Variants in STXBP6 observed in about 807,000 individuals in gnomAD.
STXBP6 encodes the protein syntaxin-binding protein 6.
STXBP6 carries 21 observed loss-of-function variants against 26.9 expected under a neutral mutation model. That is an observed-to-expected ratio of 0.78 (90% CI 0.55 to 1.12). The LOEUF (loss-of-function observed/expected upper bound fraction) is 1.12. Among genes scored for constraint, STXBP6 ranks in the 50% most tolerant of loss-of-function variants. STXBP6 has a pLI of 0.00. For missense variants in STXBP6, 232 were observed against 257.9 expected (o/e 0.90, Z 0.69); for synonymous variants, 97 against 92.6 (o/e 1.05, Z -0.27).
chr14:24,933,125 G>C (rs370058056), intron 2 of STXBP6, among the ~76,000 whole-genome samples: 1 of 152,218 alleles, frequency 6.6e-6, no homozygotes, highest in Non-Finnish European at 1.5e-5. Context: ...TGGATTGCTT[G>C]ATCTCAGGAG....
chr14:24,963,730 T>A (rs748212240), intron 2 of STXBP6, among the ~76,000 whole-genome samples: 2 of 152,070 alleles, frequency 1.3e-5, no homozygotes, highest in Non-Finnish European at 2.9e-5. Context: ...AGAGAAACAC[T>A]CAGGTGCTTC....
chr14:24,892,774 T>C (rs1241609), intron 2 of STXBP6, among the ~76,000 whole-genome samples: 100,659 of 152,010 alleles, frequency 0.66, 33,455 homozygotes, highest in East Asian at 0.76. Context: ...CAATGGGCCA[T>C]GTGGGAGAAC....
intron 1 of STXBP6, among the ~76,000 whole-genome samples, chr14:25,042,532 T>C (rs2075659936): frequency 6.6e-6 from 1 of 152,232 alleles, no homozygotes; most frequent in Non-Finnish European, 1.5e-5. Context: ...GGTCTTACTC[T>C]GATCATACAG....
chr14:24,962,340 T>C (rs1247336482), intron 2 of STXBP6, among the ~76,000 whole-genome samples: 1 of 142,450 alleles, frequency 7.0e-6, no homozygotes, highest in Non-Finnish European at 1.5e-5. Flanking sequence ...TATTTATTTA[T>C]TATTTTTGAG....
chr14:24,899,936 G>A (rs2071153363), intron 2 of STXBP6, among the ~76,000 whole-genome samples: 1 of 152,032 alleles, frequency 6.6e-6, no homozygotes, highest in South Asian at 2.1e-4. Flanking sequence ...AAGTGAGAAG[G>A]TCCTTGGATA....
chr14:24,956,014 CCA>C (rs1461967245), intron 2 of STXBP6, among the ~76,000 whole-genome samples: 1 of 152,072 alleles, frequency 6.6e-6, no homozygotes, highest in Non-Finnish European at 1.5e-5. Context: ...ATTTTGAAAC[CCA>C]CACCCTTTTC....
At chr14:24,964,121 C>T (rs8181975) in intron 2 of STXBP6, among the ~76,000 whole-genome samples, 13,288 of 151,936 alleles carry the variant, frequency 0.087, 619 homozygotes, top group South Asian at 0.16. Context: ...ATGCCCAATT[C>T]CCCCCACCCA....
intron 2 of STXBP6, among the ~76,000 whole-genome samples, chr14:24,958,121 A>G (rs766543013): frequency 2.3e-4 from 35 of 152,222 alleles, no homozygotes; most frequent in Non-Finnish European, 7.3e-5. Context: ...AAAACAAAAC[A>G]AAGTTCTAAT....
intron 1 of STXBP6, among the ~76,000 whole-genome samples, chr14:25,032,889 A>T (rs1197562652): frequency 6.6e-6 from 1 of 152,186 alleles, no homozygotes; most frequent in African/African-American, 2.4e-5. Flanking sequence ...CTTCCTGAAA[A>T]TTGCAGGCAC....
intron 1 of STXBP6, among the ~76,000 whole-genome samples, chr14:25,043,886 A>G (rs1298159093): frequency 2.0e-5 from 3 of 152,172 alleles, no homozygotes; most frequent in African/African-American, 4.8e-5. Flanking sequence ...GCTATTAAGA[A>G]TAAGGCTGCT....
chr14:24,899,293 T>G (rs1424138899), intron 2 of STXBP6, among the ~76,000 whole-genome samples: 3 of 152,248 alleles, frequency 2.0e-5, no homozygotes. Flanking sequence ...TAAGAATGTT[T>G]GGAATATAGT....
chr14:24,989,900 T>C lies in STXBP6; in HGVS notation c.-32-15050A>G, dbSNP rs184827389. 1.2e-3 allele frequency among the ~76,000 whole-genome samples: 181 copies of C among 152,308 alleles called. 1 individual carries two copies. Among genetic ancestry groups the C allele is most frequent in the Non-Finnish European group, 2.2e-3 (152 of 68,006 alleles). On this transcript the variant is annotated intron_variant, in intron 1 of 5. Coordinates refer to ENST00000323944, the MANE Select transcript of STXBP6 (RefSeq NM_001394410.1). ...GCCTCACCTTTATACGTTAAGCATG[T>C]ACTGTGGTTACATGTGCCATGTAGT...
Position 25,032,418 on chromosome 14 carries a change from A to G in STXBP6, c.-33+17460T>C, listed in dbSNP as rs553783100. Among the ~76,000 whole-genome samples, 22 of 152,302 alleles carry G rather than the reference A, an allele frequency of 1.4e-4. No homozygotes were observed. In the East Asian group the frequency reaches 3.3e-3, roughly 23 times the overall value. On this transcript the variant is annotated intron_variant, in intron 1 of 5. Transcript: ENST00000323944. ...TAAAACAATCTCAAATAAAAAAGAA[A>G]CTAGATCTAACCTATCTTTAACTCA...
At chr14:24,985,152 T>C (rs900429092) in intron 1 of STXBP6, among the ~76,000 whole-genome samples, 3 of 152,240 alleles carry the variant, frequency 2.0e-5, no homozygotes, top group Non-Finnish European at 4.4e-5. Context: ...TGCTGGTTCG[T>C]TGGCAAAGGA....
chr14:24,990,639 G>A (rs1370369537), intron 1 of STXBP6, among the ~76,000 whole-genome samples: 3 of 125,198 alleles, frequency 2.4e-5, no homozygotes, highest in Non-Finnish European at 4.8e-5. Context: ...GCCTGGACAT[G>A]AGTGAATGAA....
intron 2 of STXBP6, among the ~76,000 whole-genome samples, chr14:24,958,874 C>T (rs2073428969): frequency 6.6e-6 from 1 of 152,044 alleles, no homozygotes; most frequent in African/African-American, 2.4e-5. Context: ...AGCAAGAGTC[C>T]TTAAATATCA....
In STXBP6 at chr14:24,812,678, C is replaced by T. The variant is rs2138657676; in HGVS notation, c.*31G>A. ...CTGCTGAACAAACTCTTCAGTTTCTCTTAAGAAGAGTCACCAGGATAGGCA... is the reference window on the plus strand; with the variant it reads ...CTGCTGAACAAACTCTTCAGTTTCTTTTAAGAAGAGTCACCAGGATAGGCA... On this transcript the variant is annotated 3_prime_UTR_variant, in exon 6 of 6. Transcript: ENST00000323944. 1 of 1,610,866 alleles carries T rather than the reference C, an allele frequency of 6.2e-7. No homozygotes were observed. The highest frequency in any genetic ancestry group is 2.2e-5 in the East Asian group (1 of 44,794).
chr14:24,942,654 C>A lies in STXBP6; in HGVS notation c.154+32011G>T, dbSNP rs1026988911. On this transcript the variant is annotated intron_variant, in intron 2 of 5. Transcript: ENST00000323944. Reference sequence around the variant, plus strand: ...TCTTTTATTCAGCATTTATTGAACACAACTGCCTTTGATCTGAGGTCAGGT... The same window carrying A: ...TCTTTTATTCAGCATTTATTGAACAAAACTGCCTTTGATCTGAGGTCAGGT... Among the ~76,000 whole-genome samples, 3 of 152,236 alleles carry A rather than the reference C, an allele frequency of 2.0e-5. No homozygotes were observed. The East Asian group carries it at 5.8e-4, about 29-fold the overall frequency.
At chr14:24,951,095 T>G (rs28892979) in intron 2 of STXBP6, among the ~76,000 whole-genome samples, 85,320 of 152,030 alleles carry the variant, frequency 0.56, 24,505 homozygotes, top group Middle Eastern at 0.73. Flanking sequence ...CTGCATAGTA[T>G]TCCATGGTGT....
Sources: gnomAD v4.1 joint callset for allele counts (sites outside exome capture counted in the v4.1 genomes callset) on GRCh38, gnomAD v4.1.1 for gene constraint, MANE v1.5 for transcripts, NCBI Gene and HGNC (gene_info 2026-07-23, HGNC 2026-07-21) for gene names.